Variants in MADD observed in about 807,000 individuals in gnomAD.
MADD encodes MAP kinase activating death domain.
In MADD, 109 loss-of-function variants were observed where a neutral mutation model predicts 176.7. The observed-to-expected ratio is 0.62, with a 90% CI of 0.53 to 0.72. The LOEUF is 0.72. Ranked by LOEUF, MADD falls within the 30% of genes least tolerant of loss-of-function variation. MADD has a pLI of 0.00. For missense variants in MADD, 1,914 were observed against 2,045.5 expected (o/e 0.94, Z 1.24); for synonymous variants, 771 against 771.3 (o/e 1.00, Z 0.01).
chr11:47,278,709 G>A (rs1452382476), intron 6 of MADD, among the ~76,000 whole-genome samples: 4 of 151,838 alleles, frequency 2.6e-5, no homozygotes, highest in Admixed American at 1.3e-4. Context: ...CCTTATGTGT[G>A]CTCATTGTAA....
At chr11:47,309,611 A>C in exon 25 of MADD, 2 of 1,611,420 alleles carry the variant, frequency 1.2e-6, no homozygotes, top group Non-Finnish European at 1.7e-6. Context: ...CTGCTGATGA[A>C]GGTAATGTCA....
At chr11:47,323,131 G>A (rs1321626178) in intron 27 of MADD, among the ~76,000 whole-genome samples, 2 of 151,916 alleles carry the variant, frequency 1.3e-5, no homozygotes, top group Non-Finnish European at 2.9e-5. Flanking sequence ...TCAGCTACTC[G>A]GGAGGCTGAG....
At position 47,285,530 on chromosome 11, in the gene MADD, C is replaced by G. The variant is rs755791135; in HGVS notation, c.2491C>G (p.Pro831Ala). The change falls in exon 14 of 33, where the codon CCC becomes GCC. Residue 831 changes from proline to alanine, a missense_variant. By Grantham distance (27) the Pro-to-Ala change is conservative. Coordinates refer to ENST00000402192, the Ensembl canonical transcript of MADD. ...AGAGTCAGACTCTCGGGCAAGCTCT[C>G]CCAACTCCACCGTCTCCAACACCAG... 1.4e-5 allele frequency: 22 copies of G among 1,614,172 alleles called. No individual in the cohort carries two copies. Among genetic ancestry groups the G allele is most frequent in the Non-Finnish European group, 1.8e-5 (21 of 1,180,022 alleles).
At chr11:47,314,588 C>T (rs2092014129) in intron 26 of MADD, among the ~76,000 whole-genome samples, 1 of 152,122 alleles carries the variant, frequency 6.6e-6, no homozygotes, top group Non-Finnish European at 1.5e-5. Flanking sequence ...GCCTGGATGA[C>T]AGAGCGAAAC....
chr11:47,274,105 G>A lies in MADD; in HGVS notation c.62+129G>A, dbSNP rs117208589. The A allele has an allele frequency of 3.0e-3, 2,598 of 876,096 alleles. 10 individuals carry two copies. The highest frequency in any genetic ancestry group is 4.0e-3 in the Non-Finnish European group (2,239 of 556,534). The allele number at this position is 876,096 out of a possible 1,614,324, so 54.3% of individuals were successfully genotyped here. A position where few individuals can be genotyped will look rare whatever the true frequency, so the allele number is the denominator to read the frequency against. On this transcript the variant is annotated intron_variant, in intron 2 of 32. Transcript: ENST00000402192. ...CTCCTGTTATTTTACCCTGATGGGA[G>A]CATCGAAGCCAGTAGGGAAAAAACA...
intron 27 of MADD, among the ~76,000 whole-genome samples, chr11:47,323,170 AGAGGTTGCAGT>A (rs2094803531): frequency 6.6e-6 from 1 of 151,576 alleles, no homozygotes; most frequent in Non-Finnish European, 1.5e-5. Flanking sequence ...CCCACAAGGC[AGAGGTTGCAGT>A]GAGTCGAGAT....
At position 47,278,856 on chromosome 11, in the gene MADD, CAT is replaced by C. The variant is rs1350582431; in HGVS notation, c.1210-138_1210-137del. 3.9e-5 allele frequency: 24 copies of C among 612,316 alleles called. No homozygotes were observed. In the South Asian group the frequency reaches 4.8e-4, roughly 12 times the overall value. The allele number at this position is 612,316 out of a possible 1,614,324, so 37.9% of individuals were successfully genotyped here. A position where few individuals can be genotyped will look rare whatever the true frequency, so the allele number is the denominator to read the frequency against. ...CATATGTATGTCATATATGTGTGTACATATATCTTACTGTGCAGTTATATAAT... is the reference window on the plus strand; with the variant it reads ...CATATGTATGTCATATATGTGTGTACATATCTTACTGTGCAGTTATATAAT... On this transcript the variant is annotated intron_variant, in intron 6 of 32. Coordinates refer to ENST00000402192, the Ensembl canonical transcript of MADD.
rs1006436736 is a variant in MADD at position 47,281,488 on chromosome 11, C to T, written c.1291-87C>T. The T allele has an allele frequency of 7.2e-6, 8 of 1,111,662 alleles. No homozygotes were observed. In the African/African-American group the frequency reaches 1.3e-4, roughly 18 times the overall value. The allele number at this position is 1,111,662 out of a possible 1,614,324, so 68.9% of individuals were successfully genotyped here. On this transcript the variant is annotated intron_variant, in intron 7 of 32. Transcript: ENST00000402192. ...TGACCAGAGAATACGAGGTAGCAGA[C>T]CTTAGGAAGGCCTTTTCCTTGGAGT...
intron 6 of MADD, 61 bp downstream of exon 6, chr11:47,278,339 C>A: frequency 8.5e-7 from 1 of 1,173,576 alleles, no homozygotes; most frequent in Non-Finnish European, 1.3e-6. Context: ...AGACCCAGTC[C>A]TGAGATATCT....
At chr11:47,271,852 G>A (rs1413754879) in intron 1 of MADD, 1 of 151,960 alleles carries the variant, frequency 6.6e-6, no homozygotes, top group African/African-American at 2.4e-5. Context: ...TGCTCAGGAG[G>A]AGCTGAGTGC....
Position 47,318,939 on chromosome 11 carries a change from C to G in MADD, c.4197+3612C>G, listed in dbSNP as rs2093820943. Among the ~76,000 whole-genome samples the G allele has an allele frequency of 2.7e-5, 4 of 150,726 alleles. No individual in the cohort carries two copies. The South Asian group carries it at 8.4e-4, about 31-fold the overall frequency. On this transcript the variant is annotated intron_variant, in intron 27 of 32. Transcript: ENST00000402192. ...TCTCCTGCCTCAGCCTCCTGAGTAG[C>G]TGGGACTACAGGCACATGCCATCAT...
chr11:47,275,354 C>T (rs2048706908), intron 3 of MADD, among the ~76,000 whole-genome samples, 195 bp downstream of exon 3: 1 of 152,166 alleles, frequency 6.6e-6, no homozygotes, highest in South Asian at 2.1e-4. Context: ...TACAGTGGTG[C>T]GATCTCGGCT....
intron 19 of MADD, among the ~76,000 whole-genome samples, chr11:47,291,982 G>A (rs1212028100): frequency 1.3e-5 from 2 of 152,188 alleles, no homozygotes; most frequent in Non-Finnish European, 2.9e-5. Context: ...GTAGGGGTGA[G>A]TTGGTTTCTT....
At chr11:47,309,208 C>T (rs2085838368) in intron 23 of MADD, 73 bp from the exon 27 acceptor site, 1 of 1,564,180 alleles carries the variant, frequency 6.4e-7, no homozygotes, top group Non-Finnish European at 8.7e-7. Flanking sequence ...CTGGATTTTA[C>T]TCTTTATTTT....
intron 22 of MADD, among the ~76,000 whole-genome samples, chr11:47,298,099 T>C (rs2074544608): frequency 4.6e-5 from 7 of 152,218 alleles, no homozygotes; most frequent in Admixed American, 4.6e-4. Flanking sequence ...TCTTTACATA[T>C]TAGTTCAACC....
chr11:47,278,413 A>T, intron 6 of MADD, 135 bp downstream of exon 6: 1 of 668,658 alleles, frequency 1.5e-6, no homozygotes, highest in Non-Finnish European at 2.6e-6. Context: ...AGACTTACTG[A>T]AACAAGTTTT....
At chr11:47,314,892 T>C (rs2092242180) in intron 26 of MADD, among the ~76,000 whole-genome samples, 1 of 142,976 alleles carries the variant, frequency 7.0e-6, no homozygotes, top group Non-Finnish European at 1.5e-5. Flanking sequence ...ATTAAAAATG[T>C]TTATATTACT....
intron 22 of MADD, among the ~76,000 whole-genome samples, chr11:47,299,302 T>C (rs967503265): frequency 6.6e-6 from 1 of 152,044 alleles, no homozygotes; most frequent in African/African-American, 2.4e-5. Context: ...ATGAACATGG[T>C]ATATCTTTCC....
chr11:47,309,673 T>C, intron 25 of MADD, 61 bp downstream of exon 28: 1 of 1,337,284 alleles, frequency 7.5e-7, no homozygotes, highest in Non-Finnish European at 1.1e-6. Context: ...CTTGTTCCTG[T>C]CGCCTAAATT....
Sources: gnomAD v4.1 joint callset for allele counts (sites outside exome capture counted in the v4.1 genomes callset) on GRCh38, gnomAD v4.1.1 for gene constraint, MANE v1.5 for transcripts, NCBI Gene and HGNC (gene_info 2026-07-23, HGNC 2026-07-21) for gene names.